TRIM33: variants seen among roughly 807,000 people sequenced by gnomAD.
TRIM33 encodes the protein tripartite motif containing 33, also known as E3 ubiquitin-protein ligase TRIM33.
Under a neutral mutation model 125.4 loss-of-function variants are expected in TRIM33, and 20 were observed. That is an observed-to-expected ratio of 0.16 (90% confidence interval 0.11 to 0.23). The LOEUF is 0.23. TRIM33 is among the 10% of genes least tolerant of loss of function. The probability of loss-of-function intolerance (pLI) is 1.00; values close to 1 mark genes in which losing one functional copy is unlikely to be tolerated. For missense variants in TRIM33, 920 were observed against 1,411.4 expected (o/e 0.65, Z 5.58); for synonymous variants, 564 against 513.9 (o/e 1.10, Z -1.32).
chr1:114,429,362 T>G (rs1249852636), intron 6 of TRIM33, among the ~76,000 whole-genome samples: 3 of 148,978 alleles, frequency 2.0e-5, no homozygotes, highest in Non-Finnish European at 3.0e-5. Context: ...TAATTTTTGT[T>G]TTTTTTTTTT....
chr1:114,417,245 T>G (rs952563087), intron 11 of TRIM33, among the ~76,000 whole-genome samples: 5 of 152,044 alleles, frequency 3.3e-5, no homozygotes, highest in Non-Finnish European at 5.9e-5. Flanking sequence ...TCTTTTGAGG[T>G]GATGAAAATA....
chr1:114,508,797 T>C (rs534182132), intron 1 of TRIM33, among the ~76,000 whole-genome samples: 12 of 152,334 alleles, frequency 7.9e-5, no homozygotes, highest in African/African-American at 2.9e-4. Context: ...ACCATTTCAT[T>C]AGTAACTACC....
intron 6 of TRIM33, among the ~76,000 whole-genome samples, chr1:114,429,924 T>A (rs1022292773): frequency 2.6e-5 from 4 of 152,156 alleles, no homozygotes; most frequent in Non-Finnish European, 5.9e-5. Flanking sequence ...ATTAAAAATT[T>A]AGATTTCATG....
intron 4 of TRIM33, among the ~76,000 whole-genome samples, chr1:114,441,485 T>C (rs1648648453): frequency 6.6e-6 from 1 of 152,148 alleles, no homozygotes; most frequent in Non-Finnish European, 1.5e-5. Context: ...GGACGTTAAG[T>C]GGCTAAACAT....
In TRIM33 at chr1:114,427,244, A is replaced by T; in HGVS notation, c.1353T>A (p.Pro451=). The change falls in exon 8 of 20, where the codon CCT becomes CCA. Residue 451 remains proline (P), a synonymous_variant. Transcript: ENST00000358465. Reference sequence around the variant, plus strand: ...GGAAACGTATTGCTCCATTAGCAGCAGGGACAGGATCACACCGTGCTTTCA... The same window carrying T: ...GGAAACGTATTGCTCCATTAGCAGCTGGGACAGGATCACACCGTGCTTTCA... The part of the protein sequence containing the change: ...HILKARCDPV[P]AANGAIRFHC... 6.2e-7 allele frequency: 1 copy of T among 1,608,718 alleles called. No homozygotes were observed. The highest frequency in any genetic ancestry group is 8.5e-7 in the Non-Finnish European group (1 of 1,176,548).
At chr1:114,483,628 G>C (rs1651488458) in intron 1 of TRIM33, among the ~76,000 whole-genome samples, 1 of 151,860 alleles carries the variant, frequency 6.6e-6, no homozygotes, top group Non-Finnish European at 1.5e-5. Context: ...GCCCAGGCTG[G>C]TTTCAAACTC....
At chr1:114,399,263 A>C (rs1388899982) in intron 18 of TRIM33, among the ~76,000 whole-genome samples, 194 bp downstream of exon 18, 1 of 152,112 alleles carries the variant, frequency 6.6e-6, no homozygotes, top group Non-Finnish European at 1.5e-5. Flanking sequence ...TTAATTTATT[A>C]TATTTAAGTA....
chr1:114,428,352 GAT>G (rs1378843551), intron 6 of TRIM33, among the ~76,000 whole-genome samples: 7 of 152,138 alleles, frequency 4.6e-5, no homozygotes, highest in Non-Finnish European at 1.0e-4. Context: ...AAATGAAAAA[GAT>G]AACTTCCAGA....
chr1:114,410,354 T>C, intron 11 of TRIM33, 38 bp from the exon 12 acceptor site: 1 of 1,592,782 alleles, frequency 6.3e-7, no homozygotes. Flanking sequence ...TTGCTTTGAT[T>C]AAAGCAGAGA....
intron 4 of TRIM33, among the ~76,000 whole-genome samples, chr1:114,452,521 A>T (rs1423827683): frequency 1.3e-5 from 2 of 152,106 alleles, no homozygotes; most frequent in African/African-American, 4.8e-5. Context: ...TAAAATCTTA[A>T]TGTTTAATTC....
chr1:114,450,408 T>C (rs1382234086), intron 4 of TRIM33, among the ~76,000 whole-genome samples: 1 of 152,204 alleles, frequency 6.6e-6, no homozygotes, highest in Non-Finnish European at 1.5e-5. Context: ...CTCAGCTTAC[T>C]GCAACGTCTA....
At position 114,410,328 on chromosome 1, in the gene TRIM33, GAAGATA is replaced by G. The variant is rs753959632; in HGVS notation, c.2062-18_2062-13del. The stretch of plus-strand genomic sequence containing the variant: ...CCAGCATCTTCCAACTGAAGAGAAA[GAAGATA>G]AAGACAAATTTGCTTTGATTAAAGC... On this transcript the variant is annotated splice_polypyrimidine_tract_variant and intron_variant, in intron 11 of 19. Coordinates refer to ENST00000358465, the MANE Select transcript of TRIM33 (RefSeq NM_015906.4). 2 of 1,604,094 alleles carry G rather than the reference GAAGATA, an allele frequency of 1.2e-6. No individual in the cohort carries two copies. The highest frequency in any genetic ancestry group is 1.8e-5 in the Admixed American group (1 of 56,200).
rs1175449916 is a variant in TRIM33 at position 114,392,790 on chromosome 1, T to G, written c.*4858A>C. The G allele has an allele frequency of 1.1e-5, 2 of 177,380 alleles. No homozygotes were observed. The highest frequency in any genetic ancestry group is 2.4e-5 in the Non-Finnish European group (2 of 82,484). 11.0% of individuals were successfully genotyped at this position (177,380 alleles called of 1,614,324 possible). ...GAAAAAAAGAAATTCATTTGAAAAC[T>G]TTTTCAATTTTCTAATTTAATAGAA... is the stretch of plus-strand genomic sequence containing the variant. On this transcript the variant is annotated 3_prime_UTR_variant, in exon 20 of 20. Coordinates refer to ENST00000358465, the MANE Select transcript of TRIM33 (RefSeq NM_015906.4).
chr1:114,447,492 T>C (rs1247866264), intron 4 of TRIM33, among the ~76,000 whole-genome samples: 1 of 152,154 alleles, frequency 6.6e-6, no homozygotes, highest in Non-Finnish European at 1.5e-5. Flanking sequence ...AAGCGTTATG[T>C]TTGAAAAAGT....
chr1:114,449,468 C>G (rs1293311812), intron 4 of TRIM33, among the ~76,000 whole-genome samples: 2 of 151,964 alleles, frequency 1.3e-5, no homozygotes, highest in Non-Finnish European at 2.9e-5. Context: ...CAGAAAAATA[C>G]AGATAAAAAA....
At chr1:114,506,348 A>G (rs1570690622) in intron 1 of TRIM33, among the ~76,000 whole-genome samples, 1 of 148,670 alleles carries the variant, frequency 6.7e-6, no homozygotes, top group Admixed American at 6.9e-5. Flanking sequence ...GCACCATTGC[A>G]CTCCAGCCTG....
At chr1:114,415,899 C>T (rs1383495713) in intron 11 of TRIM33, among the ~76,000 whole-genome samples, 1 of 148,896 alleles carries the variant, frequency 6.7e-6, no homozygotes, top group East Asian at 1.9e-4. Context: ...CTGCAATGAG[C>T]CAAGACTGCA....
chr1:114,414,989 A>ATTTTTTTTTTT lies in TRIM33; in HGVS notation c.2062-4684_2062-4674dup, dbSNP rs56960865. On this transcript the variant is annotated intron_variant, in intron 11 of 19. Transcript: ENST00000358465. ...CCAACATATCCATGAGGTAGATTCT[A>ATTTTTTTTTTT]TTTTTTTTTTTTTTTTTTTTTTTGA... Among the ~76,000 whole-genome samples, 13 of 104,702 alleles carry ATTTTTTTTTTT rather than the reference A, an allele frequency of 1.2e-4. 1 individual carries two copies. Among genetic ancestry groups the ATTTTTTTTTTT allele is most frequent in the Non-Finnish European group, 1.7e-4 (9 of 53,510 alleles). 68.7% of individuals were successfully genotyped at this position (104,702 alleles called of 152,430 possible).
chr1:114,405,116 T>C (rs1016939129), intron 15 of TRIM33: 1 of 238,782 alleles, frequency 4.2e-6, no homozygotes, highest in Non-Finnish European at 8.0e-6. Context: ...AGAACCAGAC[T>C]GCAGGTTTTG....
Sources: allele counts gnomAD v4.1 joint callset (sites outside exome capture counted in the v4.1 genomes callset), GRCh38; gene constraint gnomAD v4.1.1; transcripts MANE v1.5; gene names NCBI Gene and HGNC (gene_info 2026-07-23, HGNC 2026-07-21).